The following RORA variants were observed in gnomAD, a reference collection of about 807,000 sequenced individuals.
RORA encodes the protein RAR related orphan receptor A, also known as nuclear receptor ROR-alpha.
In RORA, 7 loss-of-function variants were observed where a neutral mutation model predicts 69.5. The observed-to-expected ratio is 0.10, with a 90% CI of 0.06 to 0.19. The LOEUF (loss-of-function observed/expected upper bound fraction) is 0.19. Among genes scored for constraint, RORA ranks in the 10% least tolerant of loss-of-function variants. The pLI, the probability that RORA is intolerant of heterozygous loss-of-function variation, is 1.00. For missense variants in RORA, 457 were observed against 663.0 expected (o/e 0.69, Z 3.41); for synonymous variants, 261 against 240.8 (o/e 1.08, Z -0.78).
At chr15:61,022,601 C>A (rs1296314928) in intron 1 of RORA, among the ~76,000 whole-genome samples, 1 of 152,100 alleles carries the variant, frequency 6.6e-6, no homozygotes, top group East Asian at 1.9e-4. Context: ...ATATTCAGAG[C>A]CCCGCCGTGA....
chr15:60,737,926 T>G (rs139891773), intron 1 of RORA, among the ~76,000 whole-genome samples: 8 of 152,382 alleles, frequency 5.2e-5, no homozygotes, highest in African/African-American at 1.9e-4. Flanking sequence ...TTTATGGATT[T>G]TAACTGAGTA....
intron 1 of RORA, chr15:60,736,995 T>C (rs1342452336): frequency 6.6e-6 from 1 of 152,198 alleles, no homozygotes; most frequent in Non-Finnish European, 1.5e-5. Flanking sequence ...CTATGTCCTT[T>C]CCTAGAGCCC....
rs367834414 is a variant in RORA, at chr15:61,100,189, G to A, written c.166+128864C>T. On this transcript the variant is annotated intron_variant, in intron 1 of 10. Coordinates refer to ENST00000335670, the MANE Select transcript of RORA (RefSeq NM_134261.3). ...GGCTGGAGTGCAGTGACACGATCTC[G>A]GCTCACTGCAGCCTCCGCCTCCGGG... Among the ~76,000 whole-genome samples the A allele has an allele frequency of 1.2e-3, 178 of 145,716 alleles. 1 individual carries two copies. Among genetic ancestry groups the A allele is most frequent in the African/African-American group, 4.3e-3 (169 of 39,136 alleles).
At chr15:60,714,015 A>T (rs935625839) in intron 1 of RORA, among the ~76,000 whole-genome samples, 1 of 152,064 alleles carries the variant, frequency 6.6e-6, no homozygotes, top group Non-Finnish European at 1.5e-5. Context: ...AATCCAGAAG[A>T]AATTGAATTA....
chr15:60,647,435 T>G (rs2070066873), intron 2 of RORA, among the ~76,000 whole-genome samples: 1 of 152,216 alleles, frequency 6.6e-6, no homozygotes, highest in Admixed American at 6.5e-5. Context: ...TTGGAAGACC[T>G]TGGCAGATTC....
intron 1 of RORA, among the ~76,000 whole-genome samples, chr15:61,040,135 T>C: frequency 9.6e-6 from 1 of 103,728 alleles, no homozygotes; most frequent in South Asian, 3.1e-4. Flanking sequence ...TATATATATA[T>C]ATATATATAT....
intron 1 of RORA, among the ~76,000 whole-genome samples, chr15:61,057,691 A>G (rs938083084): frequency 9.9e-5 from 15 of 152,126 alleles, no homozygotes; most frequent in African/African-American, 3.6e-4. Flanking sequence ...CAACACAGGG[A>G]AGCAAGGGGA....
intron 1 of RORA, among the ~76,000 whole-genome samples, chr15:61,060,270 G>C (rs562711281): frequency 6.6e-6 from 1 of 152,290 alleles, no homozygotes; most frequent in South Asian, 2.1e-4. Flanking sequence ...GCCAAAGTGC[G>C]TGCCTGGCAA....
chr15:61,096,422 TC>T (rs1285255351), intron 1 of RORA, among the ~76,000 whole-genome samples: 1 of 152,198 alleles, frequency 6.6e-6, no homozygotes, highest in Non-Finnish European at 1.5e-5. Context: ...ATGCTGAATC[TC>T]ACTTACAGAC....
At position 61,044,159 on chromosome 15, in the gene RORA, A is replaced by G. The variant is rs531838095; in HGVS notation, c.166+184894T>C. Among the ~76,000 whole-genome samples the G allele has an allele frequency of 2.0e-5, 3 of 152,318 alleles. No homozygotes were observed. In the South Asian group the frequency reaches 6.2e-4, roughly 32 times the overall value. ...AAGCAATTAGCTTCCTCTGCTAGGAAGAGACTGTGCTTGTGTCCTGAGGTT... is the reference window on the plus strand; with the variant it reads ...AAGCAATTAGCTTCCTCTGCTAGGAGGAGACTGTGCTTGTGTCCTGAGGTT... On this transcript the variant is annotated intron_variant, in intron 1 of 10. Coordinates refer to ENST00000335670, the MANE Select transcript of RORA (RefSeq NM_134261.3).
rs188368250 is a variant in RORA at position 60,811,166 on chromosome 15, G to A, written c.167-132480C>T. Among the ~76,000 whole-genome samples the A allele has an allele frequency of 3.9e-5, 6 of 152,298 alleles. No individual in the cohort carries two copies. In the East Asian group the frequency reaches 5.8e-4, roughly 15 times the overall value. The stretch of plus-strand genomic sequence containing the variant: ...GTTTCACACTACCCAAAGGATAATT[G>A]TCTAGCTCAGGAGAGGGATGGTACC... On this transcript the variant is annotated intron_variant, in intron 1 of 10. Coordinates refer to ENST00000335670, the MANE Select transcript of RORA (RefSeq NM_134261.3).
intron 1 of RORA, among the ~76,000 whole-genome samples, chr15:60,834,300 T>G (rs187286659): frequency 6.8e-4 from 103 of 152,318 alleles, no homozygotes; most frequent in Admixed American, 6.7e-3. Context: ...AAAAGCTAAA[T>G]GACTCCTTAA....
intron 1 of RORA, among the ~76,000 whole-genome samples, chr15:60,775,461 T>A (rs548578436): frequency 3.0e-4 from 45 of 152,330 alleles, no homozygotes; most frequent in Non-Finnish European, 6.2e-4. Context: ...CACGTTCCTT[T>A]TTCTCTTTAT....
chr15:61,174,315 C>T (rs916993215), intron 1 of RORA, among the ~76,000 whole-genome samples: 1 of 152,236 alleles, frequency 6.6e-6, no homozygotes, highest in Non-Finnish European at 1.5e-5. Flanking sequence ...TTCCTAGTTT[C>T]ACCCAGTAAG....
chr15:61,043,557 C>T (rs746113315), intron 1 of RORA, among the ~76,000 whole-genome samples: 4 of 152,168 alleles, frequency 2.6e-5, no homozygotes, highest in Non-Finnish European at 5.9e-5. Context: ...GACATCAGAG[C>T]TAATTGGACA....
At chr15:61,137,096 A>G (rs1445133722) in intron 1 of RORA, among the ~76,000 whole-genome samples, 2 of 150,504 alleles carry the variant, frequency 1.3e-5, no homozygotes, top group Admixed American at 6.6e-5. Context: ...AGAAAGAAAG[A>G]AAGAAAAAAG....
intron 1 of RORA, among the ~76,000 whole-genome samples, chr15:61,141,104 C>T (rs1483526076): frequency 2.0e-5 from 3 of 152,072 alleles, no homozygotes; most frequent in African/African-American, 7.2e-5. Flanking sequence ...ATTTTTAAAG[C>T]CAAAAACTGA....
intron 1 of RORA, among the ~76,000 whole-genome samples, chr15:60,891,564 C>T (rs557070201): frequency 2.2e-4 from 34 of 152,322 alleles, no homozygotes; most frequent in African/African-American, 8.2e-4. Context: ...GGCGGAGACT[C>T]AGAAACCATC....
intron 2 of RORA, among the ~76,000 whole-genome samples, chr15:60,567,413 A>ATTT (rs200613145): frequency 2.6e-4 from 39 of 147,392 alleles, no homozygotes; most frequent in Admixed American, 4.0e-4. Flanking sequence ...TATTATTATT[A>ATTT]TTATTTTTTT....
Sources: gnomAD v4.1 joint callset for allele counts (sites outside exome capture counted in the v4.1 genomes callset) on GRCh38, gnomAD v4.1.1 for gene constraint, MANE v1.5 for transcripts, NCBI Gene and HGNC (gene_info 2026-07-23, HGNC 2026-07-21) for gene names.